NRXN1: variants seen among roughly 807,000 people sequenced by gnomAD.
The protein encoded by NRXN1 is neurexin 1, also known as neurexin-1.
A neutral mutation model predicts 150.9 loss-of-function variants in NRXN1; 39 were observed. That is an observed-to-expected ratio of 0.26 (90% confidence interval 0.20 to 0.34). NRXN1 has a LOEUF of 0.34. Ranked by LOEUF, NRXN1 falls within the 10% of genes least tolerant of loss-of-function variation. The pLI is 1.00. For synonymous variants in NRXN1, 924 were observed against 757.0 expected (o/e 1.22, Z -3.62); for missense variants, 1,815 against 1,949.9 (o/e 0.93, Z 1.30).
At chr2:50,009,913 C>T (rs1244570351) in intron 21 of NRXN1, among the ~76,000 whole-genome samples, 3 of 151,988 alleles carry the variant, frequency 2.0e-5, no homozygotes, top group Non-Finnish European at 4.4e-5. Flanking sequence ...AATCACTGTT[C>T]TTTCTAAGAT....
chr2:50,416,491 T>A (rs1233087717), intron 17 of NRXN1, among the ~76,000 whole-genome samples: 1 of 152,112 alleles, frequency 6.6e-6, no homozygotes, highest in African/African-American at 2.4e-5. Context: ...TTCTATTTCC[T>A]TCTATTTTAG....
At chr2:50,755,865 C>G (rs1437821316) in intron 5 of NRXN1, among the ~76,000 whole-genome samples, 1 of 151,814 alleles carries the variant, frequency 6.6e-6, no homozygotes, top group Non-Finnish European at 1.5e-5. Context: ...TGAAGGTGAG[C>G]TGAAAAGTGT....
chr2:50,649,424 A>G (rs1047311430), intron 5 of NRXN1, among the ~76,000 whole-genome samples: 1 of 152,038 alleles, frequency 6.6e-6, no homozygotes, highest in Admixed American at 6.6e-5. Flanking sequence ...CTTGTGGAGA[A>G]AACTCTGTAG....
At chr2:49,940,678 C>T (rs1222959298) in intron 22 of NRXN1, among the ~76,000 whole-genome samples, 1 of 151,940 alleles carries the variant, frequency 6.6e-6, no homozygotes, top group Admixed American at 6.6e-5. Context: ...TAAATAAAAC[C>T]AATTTCTGCC....
intron 9 of NRXN1, among the ~76,000 whole-genome samples, chr2:50,543,543 G>T (rs748143388): frequency 3.9e-5 from 6 of 152,042 alleles, no homozygotes; most frequent in Non-Finnish European, 8.8e-5. Flanking sequence ...GTAAAATGAA[G>T]GTGATAAGCA....
At chr2:50,091,730 C>A (rs1699608395) in intron 18 of NRXN1, among the ~76,000 whole-genome samples, 1 of 152,286 alleles carries the variant, frequency 6.6e-6, no homozygotes, top group East Asian at 1.9e-4. Context: ...GGGAATTGAG[C>A]CGCCTTCTTC....
In NRXN1 at chr2:50,325,280, A is replaced by C. The variant is rs201961440; in HGVS notation, c.3365-88310T>G. On this transcript the variant is annotated intron_variant, in intron 17 of 22. Transcript: ENST00000401669. ...GATGTAGACTGTTCCCTGTGCTGAA[A>C]AGACCAGAAAAGATGAGTGCTGATA... is the stretch of plus-strand genomic sequence containing the variant. Among the ~76,000 whole-genome samples, 5 of 152,218 alleles carry C rather than the reference A, an allele frequency of 3.3e-5. No individual in the cohort carries two copies. In the East Asian group the frequency reaches 9.6e-4, roughly 29 times the overall value.
intron 5 of NRXN1, among the ~76,000 whole-genome samples, chr2:50,793,390 C>A (rs1438167947): frequency 6.6e-6 from 1 of 152,104 alleles, no homozygotes; most frequent in Non-Finnish European, 1.5e-5. Flanking sequence ...AAACTACTTA[C>A]TCTTTGGCTT....
At chr2:50,999,387 C>T (rs978483106) in intron 2 of NRXN1, among the ~76,000 whole-genome samples, 2 of 151,886 alleles carry the variant, frequency 1.3e-5, no homozygotes, top group African/African-American at 2.4e-5. Context: ...GGCAAATAAT[C>T]AGGAATGAAG....
intron 5 of NRXN1, among the ~76,000 whole-genome samples, chr2:50,707,119 G>T (rs540205159): frequency 1.3e-5 from 2 of 152,248 alleles, no homozygotes; most frequent in East Asian, 3.9e-4. Flanking sequence ...GAAAATAGGT[G>T]TGTATGTATT....
At chr2:50,826,899 C>T (rs1273356008) in intron 5 of NRXN1, among the ~76,000 whole-genome samples, 1 of 152,092 alleles carries the variant, frequency 6.6e-6, no homozygotes, top group Admixed American at 6.6e-5. Context: ...GCATTAAACG[C>T]CACAGTACTG....
intron 17 of NRXN1, among the ~76,000 whole-genome samples, chr2:50,413,604 A>C (rs1484975318): frequency 6.6e-6 from 1 of 152,194 alleles, no homozygotes; most frequent in East Asian, 1.9e-4. Flanking sequence ...TAGTACAACC[A>C]CTATAGAGAA....
intron 17 of NRXN1, among the ~76,000 whole-genome samples, chr2:50,416,258 G>T (rs1208973139): frequency 3.3e-5 from 5 of 152,062 alleles, no homozygotes. Context: ...GGTAAGAAAG[G>T]CCTCACTGAG....
chr2:50,474,839 C>CCCCAA (rs1558795095), intron 15 of NRXN1, among the ~76,000 whole-genome samples: 53 of 108,760 alleles, frequency 4.9e-4, no homozygotes, highest in East Asian at 7.7e-4. Flanking sequence ...GCCCCCCTAC[C>CCCCAA]AAAAAAAAAA....
intron 5 of NRXN1, among the ~76,000 whole-genome samples, chr2:50,847,746 G>C (rs1230774187): frequency 6.6e-6 from 1 of 152,288 alleles, no homozygotes; most frequent in Middle Eastern, 3.4e-3. Context: ...AAGAGGACGT[G>C]GAGGGAGTAT....
chr2:49,995,288 T>C (rs1380615621), intron 21 of NRXN1, among the ~76,000 whole-genome samples: 1 of 151,320 alleles, frequency 6.6e-6, no homozygotes, highest in African/African-American at 2.4e-5. Context: ...TAAAAAACCT[T>C]CTTTTACTTT....
rs1469153053 is a variant in NRXN1, at chr2:50,660,904, C to T, written c.833-37289G>A. Among the ~76,000 whole-genome samples, 4 of 151,950 alleles carry T rather than the reference C, an allele frequency of 2.6e-5. No individual in the cohort carries two copies. The East Asian group carries it at 7.8e-4, about 29-fold the overall frequency. ...AGATAAAGAAAACAAAGTTTCTGAC[C>T]TTAGAAAATTCACAATCTTATTGTA... On this transcript the variant is annotated intron_variant, in intron 5 of 22. Transcript: ENST00000401669.
chr2:50,639,244 A>G (rs1306904311), intron 5 of NRXN1, among the ~76,000 whole-genome samples: 2 of 107,962 alleles, frequency 1.9e-5, no homozygotes, highest in African/African-American at 6.5e-5. Flanking sequence ...TTTTTGAGAC[A>G]GATTCTTGCT....
chr2:50,434,057 T>C (rs1381769363), intron 17 of NRXN1, among the ~76,000 whole-genome samples: 4 of 133,474 alleles, frequency 3.0e-5, no homozygotes, highest in Non-Finnish European at 6.4e-5. Context: ...TTTTTTTTTT[T>C]TTTTTTTTTT....
Sources: gnomAD v4.1 joint callset for allele counts (sites outside exome capture counted in the v4.1 genomes callset) on GRCh38, gnomAD v4.1.1 for gene constraint, MANE v1.5 for transcripts, NCBI Gene and HGNC (gene_info 2026-07-23, HGNC 2026-07-21) for gene names.